LHX8: variants seen among roughly 807,000 people sequenced by gnomAD.
LHX8 encodes the protein LIM/homeobox protein Lhx8.
In LHX8, 12 loss-of-function variants were observed where a neutral mutation model predicts 40.3. The observed-to-expected ratio is 0.30, with a 90% CI of 0.19 to 0.48. The LOEUF (loss-of-function observed/expected upper bound fraction) is 0.48. LHX8 is among the 20% of genes least tolerant of loss of function. LHX8 has a pLI of 0.99. For synonymous variants in LHX8, 179 were observed against 162.0 expected (o/e 1.10, Z -0.80); for missense variants, 344 against 433.7 (o/e 0.79, Z 1.84).
At chr1:75,171,081 AG>A in the LHX8 span, among the ~76,000 whole-genome samples, 1 of 152,176 alleles carries the variant, frequency 6.6e-6, no homozygotes, top group African/African-American at 2.4e-5. Flanking sequence ...TGAGGGAGGC[AG>A]GTGGCCTGGG....
At chr1:75,146,631 G>A (rs1648466163) in intron 6 of LHX8, among the ~76,000 whole-genome samples, 1 of 152,194 alleles carries the variant, frequency 6.6e-6, no homozygotes. Context: ...TGGAAAAGGA[G>A]TGAAGTAGGC....
upstream of LHX8, chr1:75,131,171 G>GA: frequency 3.7e-6 from 1 of 271,878 alleles, no homozygotes; most frequent in South Asian, 4.1e-5. Flanking sequence ...GCTGTGCCTC[G>GA]CCCCGATCTC....
rs1648059972 is a variant in LHX8 at position 75,134,439 on chromosome 1, C to T, written c.-528C>T. Among the ~76,000 whole-genome samples, 1 of 151,282 alleles carries T rather than the reference C, an allele frequency of 6.6e-6. No homozygotes were observed. Among genetic ancestry groups the T allele is most frequent in the African/African-American group, 2.4e-5 (1 of 41,040 alleles). On this transcript the variant is annotated 5_prime_UTR_variant, in exon 1 of 9. The change creates a new upstream start codon in the 5' untranslated region. Transcript: ENST00000356261. ...GAAGCTGGGAAAGGAATTTTAAGAACGGTTCATCAGAAAGTGGTCAGGCCA... is the reference window on the plus strand; with the variant it reads ...GAAGCTGGGAAAGGAATTTTAAGAATGGTTCATCAGAAAGTGGTCAGGCCA...
At position 75,157,489 on chromosome 1, in the gene LHX8, G is replaced by A. The variant is rs529553336; in HGVS notation, c.964+413G>A. The stretch of plus-strand genomic sequence containing the variant: ...ATCATACATTTAGAAGAGTGCATAC[G>A]TAATAACTATTCAGCTTGATGAATT... On this transcript the variant is annotated intron_variant, in intron 8 of 8. Coordinates refer to ENST00000356261, the MANE Select transcript of LHX8 (RefSeq NM_001256114.2). 6.6e-5 allele frequency among the ~76,000 whole-genome samples: 10 copies of A among 152,282 alleles called. No individual in the cohort carries two copies. The South Asian group carries it at 1.0e-3, about 16-fold the overall frequency.
At chr1:75,195,982 A>T in the LHX8 span, among the ~76,000 whole-genome samples, 1 of 152,198 alleles carries the variant, frequency 6.6e-6, no homozygotes, top group Non-Finnish European at 1.5e-5. Flanking sequence ...AGGCAGATAG[A>T]GTCTGTGCCT....
At chr1:75,143,006 A>T in intron 4 of LHX8, 112 bp from the exon 5 acceptor site, 1 of 809,192 alleles carries the variant, frequency 1.2e-6, no homozygotes, top group Non-Finnish European at 2.1e-6. Context: ...CACAATATTT[A>T]AATACTTAGG....
chr1:75,193,349 C>G, the LHX8 span, among the ~76,000 whole-genome samples: 7,737 of 152,254 alleles, frequency 0.051, 215 homozygotes, highest in Middle Eastern at 0.095. Context: ...TCCCAGTTCT[C>G]TTTTGACCTT....
chr1:75,198,570 G>A, the LHX8 span, among the ~76,000 whole-genome samples: 357 of 151,486 alleles, frequency 2.4e-3, 2 homozygotes, highest in African/African-American at 8.1e-3. Context: ...ACAGGGTGAC[G>A]TTGGAAAGCT....
At chr1:75,181,775 T>C in the LHX8 span, among the ~76,000 whole-genome samples, 5 of 152,212 alleles carry the variant, frequency 3.3e-5, no homozygotes, top group African/African-American at 9.6e-5. Context: ...ATCTGTCTTC[T>C]GCATCGATCA....
In LHX8 at chr1:75,160,813, T is replaced by C; in HGVS notation, c.965-6T>C. On this transcript the variant is annotated splice_region_variant and splice_polypyrimidine_tract_variant and intron_variant, in intron 8 of 8. Coordinates refer to ENST00000356261, the MANE Select transcript of LHX8 (RefSeq NM_001256114.2). ...ACTGATCCACAAATTTCTTTCTATTTTGTAGCTCATTCACCAACAACTCTT... is the reference window on the plus strand; with the variant it reads ...ACTGATCCACAAATTTCTTTCTATTCTGTAGCTCATTCACCAACAACTCTT... 1 of 1,606,068 alleles carries C rather than the reference T, an allele frequency of 6.2e-7. No individual in the cohort carries two copies. The highest frequency in any genetic ancestry group is 1.1e-5 in the South Asian group (1 of 90,922).
the LHX8 span, among the ~76,000 whole-genome samples, chr1:75,182,664 C>T: frequency 2.0e-5 from 3 of 152,130 alleles, no homozygotes; most frequent in Admixed American, 6.5e-5. Context: ...TGAGCCACTG[C>T]GCTCCGCCTT....
chr1:75,174,954 C>A, the LHX8 span, among the ~76,000 whole-genome samples: 1 of 151,946 alleles, frequency 6.6e-6, no homozygotes, highest in African/African-American at 2.4e-5. Flanking sequence ...GGTTTTTATC[C>A]CTCACCCCCT....
rs138363003 is a variant in LHX8, at chr1:75,129,159, A to C, written c.-490+551A>C. On this transcript the variant is annotated intron_variant, in intron 1 of 9. Transcript: ENST00000294638. ...TGCCATCTTCATTTTACAAATGAGA[A>C]AGCTCAAGTGTTAAAAATTTAAATT... 8.5e-3 allele frequency among the ~76,000 whole-genome samples: 1,295 copies of C among 152,314 alleles called. 14 individuals carry two copies. The highest frequency in any genetic ancestry group is 0.03 in the African/African-American group (1,232 of 41,556).
chr1:75,130,873 A>T (rs555084908), upstream of LHX8: 47 of 857,718 alleles, frequency 5.5e-5, no homozygotes, highest in African/African-American at 6.8e-4. Flanking sequence ...CCACAGTTTC[A>T]GAGTGGTTTT....
rs566075580 is a variant in LHX8, at chr1:75,134,392, CTCACT to C, written c.-569_-565del. Among the ~76,000 whole-genome samples, 4 of 151,588 alleles carry C rather than the reference CTCACT, an allele frequency of 2.6e-5. No homozygotes were observed. The highest frequency in any genetic ancestry group is 4.9e-5 in the African/African-American group (2 of 41,216). On this transcript the variant is annotated 5_prime_UTR_variant, in exon 1 of 9. Transcript: ENST00000356261. ...GGAGGGACTCAGGAAAAGCTCAGTGCTCACTTCACTCAGAGCTCAGTGAAGCTGGG... is the reference window on the plus strand; with the variant it reads ...GGAGGGACTCAGGAAAAGCTCAGTGCTCACTCAGAGCTCAGTGAAGCTGGG...
intron 3 of LHX8, 51 bp from the exon 4 acceptor site, chr1:75,140,934 T>C (rs1270251288): frequency 6.2e-7 from 1 of 1,601,850 alleles, no homozygotes; most frequent in African/African-American, 1.3e-5. Flanking sequence ...ACAAAACCAA[T>C]GAATACTTTT....
chr1:75,184,037 G>C, the LHX8 span, among the ~76,000 whole-genome samples: 1 of 152,158 alleles, frequency 6.6e-6, no homozygotes, highest in African/African-American at 2.4e-5. Context: ...AAGAGGTCAT[G>C]ACAATAATGG....
the LHX8 span, among the ~76,000 whole-genome samples, chr1:75,168,641 C>T: frequency 1.3e-5 from 2 of 152,120 alleles, no homozygotes; most frequent in East Asian, 1.9e-4. Context: ...ACACTGGGAG[C>T]TTTTCCTGTT....
chr1:75,195,655 T>A, the LHX8 span, among the ~76,000 whole-genome samples: 1 of 151,900 alleles, frequency 6.6e-6, no homozygotes, highest in African/African-American at 2.4e-5. Flanking sequence ...CTAATCTATC[T>A]CCCCAGCTTC....
Sources: gnomAD v4.1 joint callset for allele counts (sites outside exome capture counted in the v4.1 genomes callset) on GRCh38, gnomAD v4.1.1 for gene constraint, MANE v1.5 for transcripts, NCBI Gene and HGNC (gene_info 2026-07-23, HGNC 2026-07-21) for gene names.